CSMD1: variants seen among roughly 807,000 people sequenced by gnomAD.
The protein encoded by CSMD1 is CUB and Sushi multiple domains 1.
In CSMD1, 213 loss-of-function variants were observed where a neutral mutation model predicts 417.5. That is an observed-to-expected ratio of 0.51 (90% CI 0.46 to 0.57). The LOEUF (loss-of-function observed/expected upper bound fraction) is 0.57, where lower values mean the gene tolerates loss of function less well. Ranked by LOEUF, CSMD1 falls within the 20% of genes least tolerant of loss-of-function variation. The pLI is 0.00. For synonymous variants in CSMD1, 2,862 were observed against 1,736.8 expected, an observed-to-expected ratio of 1.65 and a Z score of -16.11; for missense variants, 6,923 against 4,529.7, an observed-to-expected ratio of 1.53 and a Z score of -15.17.
chr8:4,915,672 G>A (rs192412973), intron 1 of CSMD1, among the ~76,000 whole-genome samples: 92 of 152,282 alleles, frequency 6.0e-4, no homozygotes, highest in Middle Eastern at 6.8e-3. Context: ...GAACGTTAGC[G>A]CCCGGCGGCA....
chr8:4,839,582 A>G (rs1800714517), intron 1 of CSMD1, among the ~76,000 whole-genome samples: 1 of 152,192 alleles, frequency 6.6e-6, no homozygotes, highest in Non-Finnish European at 1.5e-5. Flanking sequence ...GGCCCAAGAG[A>G]TGAAATAACA....
intron 3 of CSMD1, among the ~76,000 whole-genome samples, chr8:4,117,061 G>A (rs62501352): frequency 0.18 from 27,940 of 151,674 alleles, 2,733 homozygotes; most frequent in East Asian, 0.33. Context: ...TAGTTAACCA[G>A]AATGAAATCT....
chr8:3,726,791 A>C (rs1046154428), intron 6 of CSMD1, among the ~76,000 whole-genome samples: 1 of 152,182 alleles, frequency 6.6e-6, no homozygotes, highest in African/African-American at 2.4e-5. Context: ...CTCTGATGGA[A>C]ATGAGTTGTG....
At chr8:3,678,020 G>C (rs533126552) in intron 7 of CSMD1, among the ~76,000 whole-genome samples, 1 of 152,234 alleles carries the variant, frequency 6.6e-6, no homozygotes, top group East Asian at 1.9e-4. Flanking sequence ...TATCTTCAAA[G>C]CGTTCTGTCA....
At chr8:4,307,774 G>A (rs1029316573) in intron 3 of CSMD1, among the ~76,000 whole-genome samples, 2 of 152,078 alleles carry the variant, frequency 1.3e-5, no homozygotes, top group South Asian at 2.1e-4. Flanking sequence ...GGTGGAATAA[G>A]GTCCAGAGTC....
intron 31 of CSMD1, among the ~76,000 whole-genome samples, chr8:3,203,736 T>C (rs977671298): frequency 6.6e-6 from 1 of 152,212 alleles, no homozygotes; most frequent in Non-Finnish European, 1.5e-5. Flanking sequence ...ATCACGATAC[T>C]AACATGCTTA....
chr8:3,742,750 A>G (rs778745060), intron 6 of CSMD1, among the ~76,000 whole-genome samples: 2 of 151,526 alleles, frequency 1.3e-5, no homozygotes, highest in Admixed American at 6.6e-5. Context: ...AAAAAAAACA[A>G]AAACAAAACG....
chr8:3,790,680 T>G (rs1799686412), intron 5 of CSMD1, among the ~76,000 whole-genome samples: 1 of 152,172 alleles, frequency 6.6e-6, no homozygotes, highest in African/African-American at 2.4e-5. Flanking sequence ...TAACAGGGTT[T>G]GTTTTATCTT....
intron 4 of CSMD1, among the ~76,000 whole-genome samples, chr8:4,027,784 G>T (rs1422099973): frequency 6.6e-6 from 1 of 152,086 alleles, no homozygotes; most frequent in Non-Finnish European, 1.5e-5. Flanking sequence ...CATAGTAAAG[G>T]CAGAAATGGA....
chr8:4,129,481 T>C (rs189016064), intron 3 of CSMD1, among the ~76,000 whole-genome samples: 1 of 152,312 alleles, frequency 6.6e-6, no homozygotes, highest in East Asian at 1.9e-4. Context: ...AAGTTTTGTA[T>C]TGTGAAAAAG....
chr8:3,990,322 T>C lies in CSMD1; in HGVS notation c.818+7581A>G, dbSNP rs879555256. ...TATTTTTCAATAAAATGAGGTTAAT[T>C]TGGAGAAATCTGACATGAGAGAAAT... On this transcript the variant is annotated intron_variant, in intron 5 of 69. Transcript: ENST00000635120. Among the ~76,000 whole-genome samples, 4 of 152,306 alleles carry C rather than the reference T, an allele frequency of 2.6e-5. No homozygotes were observed. In the East Asian group the frequency reaches 7.7e-4, roughly 29 times the overall value.
chr8:3,018,120 A>T (rs1809018644), intron 52 of CSMD1, among the ~76,000 whole-genome samples: 2 of 152,266 alleles, frequency 1.3e-5, no homozygotes, highest in African/African-American at 2.4e-5. Flanking sequence ...GGATGAATAT[A>T]ACTTCAATTC....
At chr8:4,691,464 T>C (rs1053394982) in intron 1 of CSMD1, among the ~76,000 whole-genome samples, 1 of 152,200 alleles carries the variant, frequency 6.6e-6, no homozygotes, top group African/African-American at 2.4e-5. Context: ...ATTTTATCAT[T>C]GATGGAACTC....
intron 3 of CSMD1, among the ~76,000 whole-genome samples, chr8:4,084,951 C>G (rs1285068989): frequency 6.6e-6 from 1 of 152,110 alleles, no homozygotes; most frequent in East Asian, 1.9e-4. Flanking sequence ...GGGAAAGCAC[C>G]TGCAGAAAGA....
chr8:4,906,852 C>G (rs12675388), intron 1 of CSMD1, among the ~76,000 whole-genome samples: 1 of 152,134 alleles, frequency 6.6e-6, no homozygotes, highest in Admixed American at 6.5e-5. Flanking sequence ...GCCGCTGCCC[C>G]CGGCCTTGAG....
At chr8:3,296,368 GGGAA>G (rs1803965677) in intron 25 of CSMD1, among the ~76,000 whole-genome samples, 1 of 152,026 alleles carries the variant, frequency 6.6e-6, no homozygotes, top group African/African-American at 2.4e-5. Flanking sequence ...AAGGGGGACT[GGGAA>G]GGAAGAGCTG....
intron 38 of CSMD1, among the ~76,000 whole-genome samples, chr8:3,160,515 T>G (rs1819818841): frequency 6.6e-6 from 1 of 152,218 alleles, no homozygotes; most frequent in Admixed American, 6.5e-5. Flanking sequence ...GTTACAAACT[T>G]ACTGAGGTAT....
intron 10 of CSMD1, among the ~76,000 whole-genome samples, chr8:3,525,156 G>A (rs1327273124): frequency 6.6e-6 from 1 of 152,154 alleles, no homozygotes; most frequent in Non-Finnish European, 1.5e-5. Context: ...TTGAGTCTCA[G>A]TAGGGTCTTC....
chr8:4,176,709 G>C (rs1481401422), intron 3 of CSMD1, among the ~76,000 whole-genome samples: 1 of 150,606 alleles, frequency 6.6e-6, no homozygotes, highest in East Asian at 1.9e-4. Context: ...GACACACATA[G>C]GCTCAAAATA....
Sources: allele counts gnomAD v4.1 joint callset (sites outside exome capture counted in the v4.1 genomes callset), GRCh38; gene constraint gnomAD v4.1.1; transcripts MANE v1.5; gene names NCBI Gene and HGNC (gene_info 2026-07-23, HGNC 2026-07-21).